ZFYVE9: variants seen among roughly 807,000 people sequenced by gnomAD.
ZFYVE9 encodes zinc finger FYVE-type containing 9, also known as zinc finger FYVE domain-containing protein 9.
ZFYVE9 carries 43 observed loss-of-function variants against 126.7 expected under a neutral mutation model. That is an observed-to-expected ratio of 0.34 (90% confidence interval 0.27 to 0.44). ZFYVE9 has a LOEUF of 0.44. ZFYVE9 is among the 20% of genes least tolerant of loss of function. ZFYVE9 has a pLI of 1.00. For synonymous variants in ZFYVE9, 521 were observed against 597.4 expected, an observed-to-expected ratio of 0.87 and a Z score of 1.87; for missense variants, 1,476 against 1,697.0, an observed-to-expected ratio of 0.87 and a Z score of 2.29.
intron 1 of ZFYVE9, among the ~76,000 whole-genome samples, chr1:52,164,785 C>A (rs949839496): frequency 6.6e-6 from 1 of 152,160 alleles, no homozygotes; most frequent in African/African-American, 2.4e-5. Context: ...TAAGCACTTG[C>A]TTTTGGCTTT....
chr1:52,223,917 G>C (rs912216642), intron 2 of ZFYVE9, among the ~76,000 whole-genome samples: 5 of 152,202 alleles, frequency 3.3e-5, no homozygotes, highest in African/African-American at 1.2e-4. Flanking sequence ...CCTGAGAAGA[G>C]AATAACTAGG....
At chr1:52,327,398 T>G (rs534140773) in intron 13 of ZFYVE9, among the ~76,000 whole-genome samples, 2 of 151,256 alleles carry the variant, frequency 1.3e-5, no homozygotes, top group South Asian at 4.2e-4. Flanking sequence ...GGTCAGGAGT[T>G]CGAAACCAGC....
At chr1:52,153,503 A>G (rs925112065) in intron 1 of ZFYVE9, among the ~76,000 whole-genome samples, 7 of 152,214 alleles carry the variant, frequency 4.6e-5, no homozygotes, top group African/African-American at 1.7e-4. Context: ...TTGCCCATTC[A>G]TAGTCACTAC....
Position 52,238,738 on chromosome 1 carries a change from G to A in ZFYVE9, c.1321G>A (p.Gly441Arg). The A allele has an allele frequency of 6.2e-7, 1 of 1,614,050 alleles. No homozygotes were observed. Among genetic ancestry groups the A allele is most frequent in the Non-Finnish European group, 8.5e-7 (1 of 1,179,966 alleles). ...TNGDSGGQCVGLADAGLDLKG... is the reference protein window; with the variant it reads ...TNGDSGGQCVRLADAGLDLKG... ...TGGTGATAGTGGAGGACAGTGTGTT[G>A]GATTGGCAGATGCAGGTCTAGATTT... is the stretch of plus-strand genomic sequence containing the variant. The change falls in exon 4 of 19, where the codon GGA becomes AGA. Residue 441 changes from glycine (G) to arginine (R), a missense_variant. By Grantham distance (125) the Gly-to-Arg change is moderately radical. Around this residue, in one of 2 missense-constraint regions of ZFYVE9, gnomAD observed 807 missense variants for 794.6 expected, o/e 1.02. Transcript: ENST00000287727.
chr1:52,199,556 AG>A (rs547760481), intron 1 of ZFYVE9, among the ~76,000 whole-genome samples: 125 of 152,318 alleles, frequency 8.2e-4, no homozygotes, highest in African/African-American at 2.9e-3. Context: ...GATGTACCAC[AG>A]CTTTTATTTA....
rs1646283011 is a variant in ZFYVE9, at chr1:52,325,595, T to G, written c.3439-7173T>G. Among the ~76,000 whole-genome samples, 4 of 152,214 alleles carry G rather than the reference T, an allele frequency of 2.6e-5. No homozygotes were observed. The South Asian group carries it at 8.3e-4, about 32-fold the overall frequency. ...GACACTAATTACAAGTGAATCAAGA[T>G]TTAAAAGAAAATCGTGCTAACCACA... On this transcript the variant is annotated intron_variant, in intron 13 of 18. Coordinates refer to ENST00000287727, the MANE Select transcript of ZFYVE9 (RefSeq NM_004799.4).
chr1:52,155,239 T>C (rs1016752382), intron 1 of ZFYVE9, among the ~76,000 whole-genome samples: 185 of 132,364 alleles, frequency 1.4e-3, no homozygotes, highest in African/African-American at 6.1e-3. Context: ...TTTTTCTTTT[T>C]TTTTTTTTTT....
chr1:52,292,375 AC>A lies in ZFYVE9; in HGVS notation c.3026-1077del, dbSNP rs529980370. Among the ~76,000 whole-genome samples the A allele has an allele frequency of 1.1e-3, 164 of 150,982 alleles. 1 individual carries two copies. Among genetic ancestry groups the A allele is most frequent in the South Asian group, 9.0e-3 (43 of 4,794 alleles). On this transcript the variant is annotated intron_variant, in intron 10 of 18. Coordinates refer to ENST00000287727, the MANE Select transcript of ZFYVE9 (RefSeq NM_004799.4). ...TCTTCCCTTAATGTCTTATAACTGT[AC>A]TTATTACCATAATTCATTATGTTCA...
At chr1:52,303,971 G>A (rs1646058928) in intron 13 of ZFYVE9, 46 bp downstream of exon 13, 1 of 1,350,906 alleles carries the variant, frequency 7.4e-7, no homozygotes, top group Non-Finnish European at 1.0e-6. Context: ...GAAAACATGA[G>A]TGAAGGTGAA....
chr1:52,270,471 A>G (rs1569636208), intron 7 of ZFYVE9, among the ~76,000 whole-genome samples: 1 of 152,064 alleles, frequency 6.6e-6, no homozygotes, highest in Non-Finnish European at 1.5e-5. Context: ...TCACGATGTT[A>G]GCCAGGATGG....
Position 52,237,647 on chromosome 1 carries a change from C to T in ZFYVE9, c.230C>T (p.Ser77Leu). Residue 77 changes from serine (S) to leucine (L), a missense_variant, in exon 4 of 19, where the codon TCA becomes TTA. This residue lies in a region of ZFYVE9 where 807 missense variants were observed against 794.6 expected (regional missense o/e 1.02). Transcript: ENST00000287727. ...PQLKVFSLAH[S>L]APLTTEEEDH... is the part of the protein sequence containing the mutation. ...CTGAAAGTCTTCTCCCTGGCTCATTCAGCTCCCCTGACCACAGAGGAAGAG... is the reference window on the plus strand; with the variant it reads ...CTGAAAGTCTTCTCCCTGGCTCATTTAGCTCCCCTGACCACAGAGGAAGAG... 1.9e-6 allele frequency: 3 copies of T among 1,614,086 alleles called. No homozygotes were observed. Among genetic ancestry groups the T allele is most frequent in the Non-Finnish European group, 2.5e-6 (3 of 1,179,966 alleles).
At chr1:52,305,269 C>T (rs530140288) in intron 13 of ZFYVE9, among the ~76,000 whole-genome samples, 2 of 152,164 alleles carry the variant, frequency 1.3e-5, no homozygotes, top group Admixed American at 6.5e-5. Flanking sequence ...GGTGAAACCC[C>T]GTCTCTACTA....
In ZFYVE9 at chr1:52,172,596, T is replaced by C. The variant is rs1231301242; in HGVS notation, c.-143+30193T>C. Among the ~76,000 whole-genome samples the C allele has an allele frequency of 2.6e-5, 4 of 152,334 alleles. No individual in the cohort carries two copies. In the East Asian group the frequency reaches 7.7e-4, roughly 29 times the overall value. On this transcript the variant is annotated intron_variant, in intron 1 of 18. Coordinates refer to ENST00000287727, the MANE Select transcript of ZFYVE9 (RefSeq NM_004799.4). The stretch of plus-strand genomic sequence containing the variant: ...AATCTATAAATTACCTTGGGCAGTA[T>C]GGCCATTTTCACGGTATTGATTGTT...
intron 14 of ZFYVE9, among the ~76,000 whole-genome samples, chr1:52,333,604 A>G (rs1425113576): frequency 1.3e-5 from 2 of 152,200 alleles, no homozygotes; most frequent in East Asian, 1.9e-4. Flanking sequence ...CTCAGGCACC[A>G]TGGTGTTAAA....
At chr1:52,186,249 A>C (rs1024495602) in intron 1 of ZFYVE9, among the ~76,000 whole-genome samples, 14 of 149,662 alleles carry the variant, frequency 9.4e-5, no homozygotes, top group African/African-American at 2.9e-4. Flanking sequence ...CAAAAAAAAA[A>C]AAACAAAACA....
intron 6 of ZFYVE9, among the ~76,000 whole-genome samples, chr1:52,267,298 A>G (rs769741375): frequency 5.9e-5 from 9 of 152,232 alleles, no homozygotes; most frequent in Non-Finnish European, 1.2e-4. Flanking sequence ...ATATAAAAAT[A>G]TGAACATTTT....
chr1:52,282,944 A>G (rs1000737000), intron 10 of ZFYVE9, among the ~76,000 whole-genome samples: 13 of 152,360 alleles, frequency 8.5e-5, no homozygotes, highest in African/African-American at 3.1e-4. Context: ...GATGTAGATT[A>G]TGCGTAAAAG....
chr1:52,265,205 G>T (rs1304141076), intron 5 of ZFYVE9, among the ~76,000 whole-genome samples: 1 of 152,030 alleles, frequency 6.6e-6, no homozygotes, highest in Non-Finnish European at 1.5e-5. Flanking sequence ...CTTTCCTCTC[G>T]CATGGCTTAG....
chr1:52,171,534 C>T (rs2124525083), intron 1 of ZFYVE9, among the ~76,000 whole-genome samples: 1 of 152,304 alleles, frequency 6.6e-6, no homozygotes, highest in Non-Finnish European at 1.5e-5. Flanking sequence ...ATTGCTGGGT[C>T]AAATGGTTTT....
Sources: gnomAD v4.1 joint callset for allele counts (sites outside exome capture counted in the v4.1 genomes callset) on GRCh38, gnomAD v4.1.1 for gene constraint, gnomAD v4.1.1 regional missense constraint, MANE v1.5 for transcripts, NCBI Gene and HGNC (gene_info 2026-07-23, HGNC 2026-07-21) for gene names.